The following SUSD1 variants were observed in gnomAD, a reference collection of about 807,000 sequenced individuals.
SUSD1 encodes sushi domain containing 1.
In SUSD1, 65 loss-of-function variants were observed where a neutral mutation model predicts 86.9. The ratio of observed to expected loss-of-function variants is 0.75; its 90% CI spans 0.61 to 0.92. The LOEUF is 0.92. SUSD1 is among the 40% of genes least tolerant of loss of function. The pLI is 0.00. For missense variants in SUSD1, 850 were observed against 929.7 expected (o/e 0.91, Z 1.11); for synonymous variants, 346 against 350.0 (o/e 0.99, Z 0.13).
At chr9:112,057,867 T>G (rs1226009162) in intron 14 of SUSD1, among the ~76,000 whole-genome samples, 1 of 152,216 alleles carries the variant, frequency 6.6e-6, no homozygotes, top group African/African-American at 2.4e-5. Flanking sequence ...CTTCCAGATC[T>G]TCCATCCCTG....
chr9:112,150,987 T>C (rs1833020081), intron 2 of SUSD1, among the ~76,000 whole-genome samples: 2 of 152,172 alleles, frequency 1.3e-5, no homozygotes, highest in African/African-American at 4.8e-5. Flanking sequence ...CAGGCTAAAT[T>C]GCACTGGCAC....
At chr9:112,065,834 A>G (rs952414718) in intron 12 of SUSD1, among the ~76,000 whole-genome samples, 9 of 152,204 alleles carry the variant, frequency 5.9e-5, no homozygotes, top group Admixed American at 5.9e-4. Flanking sequence ...ATGATTAACA[A>G]TAATAGTTAA....
chr9:112,091,209 G>A (rs143032955), intron 10 of SUSD1, among the ~76,000 whole-genome samples: 107 of 152,204 alleles, frequency 7.0e-4, no homozygotes, highest in Non-Finnish European at 1.3e-3. Context: ...TAGACTTCAG[G>A]CATAACTCTT....
At chr9:112,111,906 C>T in intron 7 of SUSD1, 66 bp from the exon 8 acceptor site, 1 of 1,529,584 alleles carries the variant, frequency 6.5e-7, no homozygotes, top group Non-Finnish European at 8.9e-7. Flanking sequence ...ATTTGTGGTG[C>T]TGGAGCCCAT....
At chr9:112,172,614 C>A (rs145807819) in intron 1 of SUSD1, among the ~76,000 whole-genome samples, 2 of 152,322 alleles carry the variant, frequency 1.3e-5, no homozygotes, top group African/African-American at 4.8e-5. Flanking sequence ...CTTTCCAAAT[C>A]TTTCTCCTTC....
intron 1 of SUSD1, 36 bp from the exon 2 acceptor site, chr9:112,157,649 A>C (rs1833390996): frequency 2.6e-6 from 4 of 1,555,526 alleles, no homozygotes; most frequent in Non-Finnish European, 2.7e-6. Context: ...AAAAAGAAAA[A>C]TGCAAGATGA....
At chr9:112,112,551 G>A (rs569492801) in intron 7 of SUSD1, among the ~76,000 whole-genome samples, 14 of 151,916 alleles carry the variant, frequency 9.2e-5, no homozygotes, top group Non-Finnish European at 1.3e-4. Context: ...CAGGAGAATC[G>A]CTTGAACCCG....
intron 5 of SUSD1, among the ~76,000 whole-genome samples, chr9:112,139,608 G>T (rs1390673068): frequency 1.3e-5 from 2 of 151,890 alleles, no homozygotes; most frequent in Non-Finnish European, 2.9e-5. Context: ...CCACTCCCAG[G>T]CTGGTCTTGA....
chr9:112,169,015 A>G (rs1833931897), intron 1 of SUSD1, among the ~76,000 whole-genome samples: 1 of 152,130 alleles, frequency 6.6e-6, no homozygotes, highest in South Asian at 2.1e-4. Flanking sequence ...GGTCTCTAAC[A>G]CTATATAAAA....
At chr9:112,067,935 C>T (rs956295772) in intron 12 of SUSD1, among the ~76,000 whole-genome samples, 3 of 152,120 alleles carry the variant, frequency 2.0e-5, no homozygotes, top group African/African-American at 7.2e-5. Flanking sequence ...CCCTCAATCT[C>T]AAATTATAAT....
At chr9:112,124,563 C>A in intron 5 of SUSD1, 127 bp from the exon 6 acceptor site, 1 of 839,974 alleles carries the variant, frequency 1.2e-6, no homozygotes, top group Non-Finnish European at 1.7e-6. Flanking sequence ...ACACTAACCC[C>A]ATCAAATAAT....
At chr9:112,146,365 G>A (rs935794919) in intron 3 of SUSD1, among the ~76,000 whole-genome samples, 14 of 152,112 alleles carry the variant, frequency 9.2e-5, no homozygotes, top group Non-Finnish European at 1.8e-4. Flanking sequence ...AAACCACTGA[G>A]TTGTATACAT....
chr9:112,042,199 A>C lies in SUSD1; in HGVS notation c.2150-239T>G, dbSNP rs1404339114. On this transcript the variant is annotated intron_variant, in intron 15 of 16. Transcript: ENST00000374270. ...GAAGTGTAAAGCCAGACCATGTTAA[A>C]GTTACAAGGGAGAAAACAGCTAATC... is the stretch of plus-strand genomic sequence containing the variant. 6 of 1,527,584 alleles carry C rather than the reference A, an allele frequency of 3.9e-6. No individual in the cohort carries two copies. In the East Asian group the frequency reaches 1.5e-4, roughly 37 times the overall value. The allele number at this position is 1,527,584 out of a possible 1,614,324, so 94.6% of individuals were successfully genotyped here.
intron 4 of SUSD1, 129 bp downstream of exon 4, chr9:112,143,342 T>C (rs1307185981): frequency 2.7e-5 from 25 of 941,578 alleles, no homozygotes; most frequent in Non-Finnish European, 3.8e-5. Context: ...CTTTATGTCA[T>C]AGGTTGTACA....
intron 4 of SUSD1, 22 bp downstream of exon 4, chr9:112,143,449 G>A (rs769118030): frequency 2.4e-5 from 39 of 1,608,530 alleles, no homozygotes; most frequent in African/African-American, 6.7e-5. Context: ...TTGAGATGCC[G>A]CAATTTTTGG....
intron 2 of SUSD1, among the ~76,000 whole-genome samples, chr9:112,150,866 G>A (rs1833014697): frequency 6.6e-6 from 1 of 152,236 alleles, no homozygotes; most frequent in Non-Finnish European, 1.5e-5. Flanking sequence ...TGCAGGACTG[G>A]AAGCTGCTCT....
chr9:112,155,658 G>A (rs961195337), intron 2 of SUSD1, among the ~76,000 whole-genome samples: 18 of 151,068 alleles, frequency 1.2e-4, no homozygotes, highest in Non-Finnish European at 1.6e-4. Flanking sequence ...TTGTTCTGTC[G>A]CCCAGACTGG....
intron 1 of SUSD1, among the ~76,000 whole-genome samples, chr9:112,168,257 A>G (rs1489908062): frequency 1.3e-5 from 2 of 152,248 alleles, no homozygotes; most frequent in African/African-American, 4.8e-5. Context: ...CAATGGGAAG[A>G]GTGACAGAGA....
intron 10 of SUSD1, among the ~76,000 whole-genome samples, chr9:112,084,911 C>T (rs1176180920): frequency 6.6e-6 from 1 of 151,900 alleles, no homozygotes. Context: ...TTTGTTTCTG[C>T]TTCATTTGTA....
Sources: gnomAD v4.1 joint callset for allele counts (sites outside exome capture counted in the v4.1 genomes callset) on GRCh38, gnomAD v4.1.1 for gene constraint, MANE v1.5 for transcripts, NCBI Gene and HGNC (gene_info 2026-07-23, HGNC 2026-07-21) for gene names.